Variants in CELF5 observed in about 807,000 individuals in gnomAD.
CELF5 encodes the protein CUGBP Elav-like family member 5, also known as CUG-BP and ETR-3 like factor 5.
A neutral mutation model predicts 54.9 loss-of-function variants in CELF5; 6 were observed. The observed-to-expected ratio is 0.11, with a 90% CI of 0.06 to 0.22. The LOEUF (loss-of-function observed/expected upper bound fraction) is 0.22, where lower values mean the gene tolerates loss of function less well. Among genes scored for constraint, CELF5 ranks in the 10% least tolerant of loss-of-function variants. The probability of loss-of-function intolerance (pLI) is 1.00; values close to 1 mark genes in which losing one functional copy is unlikely to be tolerated. For missense variants in CELF5, 401 were observed against 678.6 expected (o/e 0.59, Z 4.54); for synonymous variants, 271 against 290.9 (o/e 0.93, Z 0.70).
intron 1 of CELF5, among the ~76,000 whole-genome samples, chr19:3,226,596 C>T (rs1259315096): frequency 6.6e-6 from 1 of 152,088 alleles, no homozygotes; most frequent in Admixed American, 6.6e-5. Flanking sequence ...TTCCCACACG[C>T]CCCCACCCCT....
In CELF5 at chr19:3,254,460, TCCATCTATCCATCCACCCAC is replaced by T. The variant is rs1156509496; in HGVS notation, c.342+3409_342+3428del. On this transcript the variant is annotated intron_variant, in intron 2 of 12. Transcript: ENST00000292672. ...ATCCATCTACGCATCCATCCATCCA[TCCATCTATCCATCCACCCAC>T]CCATCTATCCATCCATCCACTGATT... Among the ~76,000 whole-genome samples, 318 of 151,614 alleles carry T rather than the reference TCCATCTATCCATCCACCCAC, an allele frequency of 2.1e-3. 3 individuals are homozygous for T. Among genetic ancestry groups the T allele is most frequent in the Middle Eastern group, 0.014 (4 of 294 alleles).
intron 1 of CELF5, among the ~76,000 whole-genome samples, chr19:3,248,076 T>C (rs2079592370): frequency 6.6e-6 from 1 of 152,220 alleles, no homozygotes; most frequent in Non-Finnish European, 1.5e-5. Flanking sequence ...ATCTTAACCA[T>C]TTTTAAGCAT....
At chr19:3,235,387 C>T (rs1484419606) in intron 1 of CELF5, among the ~76,000 whole-genome samples, 1 of 151,318 alleles carries the variant, frequency 6.6e-6, no homozygotes, top group Non-Finnish European at 1.5e-5. Flanking sequence ...TGCTTTTTCT[C>T]CTTCCTAATA....
intron 3 of CELF5, among the ~76,000 whole-genome samples, chr19:3,274,391 G>A (rs905532735): frequency 3.9e-5 from 6 of 152,222 alleles, no homozygotes; most frequent in Non-Finnish European, 7.3e-5. Flanking sequence ...GTGTGAGTAC[G>A]TGCACATGTG....
At chr19:3,267,114 CGT>C in intron 2 of CELF5, among the ~76,000 whole-genome samples, 1 of 148,688 alleles carries the variant, frequency 6.7e-6, no homozygotes, top group Non-Finnish European at 1.5e-5. Flanking sequence ...TGTGCGTGTG[CGT>C]GTGTGTTGGG....
intron 10 of CELF5, among the ~76,000 whole-genome samples, chr19:3,288,581 C>G (rs144859251): frequency 0.03 from 4,581 of 152,144 alleles, 201 homozygotes; most frequent in African/African-American, 0.1. Flanking sequence ...GGTGCAGTGG[C>G]TGACACCTGT....
At chr19:3,265,643 C>T (rs1036879792) in intron 2 of CELF5, among the ~76,000 whole-genome samples, 1 of 152,112 alleles carries the variant, frequency 6.6e-6, no homozygotes, top group Admixed American at 6.6e-5. Flanking sequence ...GAGGACCCTT[C>T]AGCTCCAGGA....
At chr19:3,264,942 G>A (rs1429058886) in intron 2 of CELF5, among the ~76,000 whole-genome samples, 1 of 151,286 alleles carries the variant, frequency 6.6e-6, no homozygotes, top group Non-Finnish European at 1.5e-5. Context: ...CTCAAACTCT[G>A]ACCTCAAGTG....
intron 10 of CELF5, 146 bp from the exon 11 acceptor site, chr19:3,290,083 GGC>G: frequency 4.9e-6 from 3 of 613,862 alleles, no homozygotes; most frequent in Non-Finnish European, 8.8e-6. Flanking sequence ...CCCAGCCCGT[GGC>G]CAGGCCCCTT....
At chr19:3,243,789 G>A (rs1368618043) in intron 1 of CELF5, among the ~76,000 whole-genome samples, 1 of 152,072 alleles carries the variant, frequency 6.6e-6, no homozygotes, top group Non-Finnish European at 1.5e-5. Context: ...ATTCCAGGCC[G>A]TTCCCCTGTA....
intron 9 of CELF5, 81 bp downstream of exon 9, chr19:3,285,045 G>A: frequency 2.1e-6 from 2 of 970,710 alleles, no homozygotes; most frequent in South Asian, 1.4e-5. Context: ...CGCCCCGGAC[G>A]TGTCGTTCTT....
chr19:3,260,320 T>C (rs1328510960), intron 2 of CELF5, among the ~76,000 whole-genome samples: 1 of 152,144 alleles, frequency 6.6e-6, no homozygotes, highest in Non-Finnish European at 1.5e-5. Context: ...TTTCGCCATG[T>C]TGGCCAGGCT....
intron 11 of CELF5, among the ~76,000 whole-genome samples, chr19:3,292,527 GC>G (rs932378791): frequency 1.7e-4 from 26 of 151,934 alleles, no homozygotes; most frequent in African/African-American, 5.3e-4. Context: ...CAGGTGATCT[GC>G]CCGTCTTGGC....
In CELF5 at chr19:3,251,047, G is replaced by A; in HGVS notation, c.322G>A (p.Glu108Lys). Residue 108 changes from glutamate to lysine, a missense_variant, in exon 2 of 13, where the codon GAG (glutamate) becomes AAG (lysine). Transcript: ENST00000292672. ...SAIKAQTALH[E>K]QKTLPGMARP... ...CATCAAAGCTCAGACTGCCCTGCAC[G>A]AGCAGAAGACCTTGCCCGGAGTGAG... 4 of 1,614,012 alleles carry A rather than the reference G, an allele frequency of 2.5e-6. No homozygotes were observed. The highest frequency in any genetic ancestry group is 1.3e-5 in the African/African-American group (1 of 74,994).
chr19:3,237,896 A>T (rs2079438708), intron 1 of CELF5, among the ~76,000 whole-genome samples: 1 of 151,904 alleles, frequency 6.6e-6, no homozygotes. Context: ...AAAAAATACA[A>T]AAATTAGCCG....
chr19:3,294,522 GCA>G (rs2080403391), intron 12 of CELF5: 1 of 152,108 alleles, frequency 6.6e-6, no homozygotes, highest in Non-Finnish European at 1.5e-5. Flanking sequence ...TCCCGGGTCA[GCA>G]CACACAGATT....
intron 5 of CELF5, among the ~76,000 whole-genome samples, chr19:3,280,592 A>T (rs1399741354): frequency 6.6e-6 from 1 of 151,960 alleles, no homozygotes; most frequent in Non-Finnish European, 1.5e-5. Flanking sequence ...AAACAAAAAA[A>T]ATCCGGGTCC....
rs1917110999 is a variant in CELF5 at position 3,228,921 on chromosome 19, G to GGC, written c.259+3930_259+3931dup. On this transcript the variant is annotated intron_variant, in intron 1 of 12. Transcript: ENST00000292672. This position sits in a 1 kb window ranked among gnomAD's most constrained non-coding sequence, Gnocchi z 6.0. ...GTGTGTGTGTGTGTGTGTGTACGCG[G>GGC]GCGCGCGCCTGGGAAGGACTCCTGC... 7.0e-6 allele frequency among the ~76,000 whole-genome samples: 1 copy of GGC among 142,528 alleles called. No homozygotes were observed. Among genetic ancestry groups the GGC allele is most frequent in the African/African-American group, 2.6e-5 (1 of 37,992 alleles). 93.5% of individuals were successfully genotyped at this position (142,528 alleles called of 152,430 possible). A position where few individuals can be genotyped will look rare whatever the true frequency, so the allele number is the denominator to read the frequency against.
chr19:3,227,150 G>T (rs933933104), intron 1 of CELF5, among the ~76,000 whole-genome samples: 1 of 152,166 alleles, frequency 6.6e-6, no homozygotes, highest in Admixed American at 6.5e-5. Flanking sequence ...CCACCTGCGT[G>T]GGGCCTGGCT....
Sources: allele counts gnomAD v4.1 joint callset (sites outside exome capture counted in the v4.1 genomes callset), GRCh38; gene constraint gnomAD v4.1.1; non-coding constraint Gnocchi (gnomAD v3.1); transcripts MANE v1.5; gene names NCBI Gene and HGNC (gene_info 2026-07-23, HGNC 2026-07-21).